The following EDIL3 variants were observed in gnomAD, a reference collection of about 807,000 sequenced individuals.
The protein encoded by EDIL3 is EGF-like repeat and discoidin I-like domain-containing protein 3.
A neutral mutation model predicts 67.4 loss-of-function variants in EDIL3; 37 were observed. The ratio of observed to expected loss-of-function variants is 0.55; its 90% confidence interval spans 0.42 to 0.72. The LOEUF (loss-of-function observed/expected upper bound fraction) is 0.72, where lower values mean the gene tolerates loss of function less well. Among genes scored for constraint, EDIL3 ranks in the 30% least tolerant of loss-of-function variants. The pLI, the probability that EDIL3 is intolerant of heterozygous loss-of-function variation, is 0.00. For missense variants in EDIL3, 527 were observed against 586.3 expected (o/e 0.90, Z 1.04); for synonymous variants, 195 against 196.3 (o/e 0.99, Z 0.05).
chr5:84,060,173 G>A, intron 9 of EDIL3, 127 bp downstream of exon 9: 3 of 1,157,670 alleles, frequency 2.6e-6, no homozygotes, highest in Non-Finnish European at 3.6e-6. Context: ...TACCAATTTA[G>A]TTAAACCGAA....
rs74648642 is a variant in EDIL3, at chr5:83,972,715, G to C, written c.1138-9355C>G. Among the ~76,000 whole-genome samples the C allele has an allele frequency of 9.3e-3, 1,410 of 152,028 alleles. 17 individuals carry two copies. The highest frequency in any genetic ancestry group is 0.032 in the African/African-American group (1,346 of 41,508). ...CAAGATCTCATTAAATTTCAAGTGA[G>C]TTTAAAAGATAAAAACAGCCAAAAT... On this transcript the variant is annotated intron_variant, in intron 9 of 10. Coordinates refer to ENST00000296591, the MANE Select transcript of EDIL3 (RefSeq NM_005711.5).
chr5:84,046,492 C>G (rs2258839), intron 9 of EDIL3, among the ~76,000 whole-genome samples: 28,755 of 152,078 alleles, frequency 0.19, 3,001 homozygotes, highest in Admixed American at 0.24. Context: ...CTGACTGGCT[C>G]TGCAATCTTT....
intron 1 of EDIL3, among the ~76,000 whole-genome samples, chr5:84,266,595 T>C (rs752115016): frequency 1.3e-5 from 2 of 152,172 alleles, no homozygotes; most frequent in Non-Finnish European, 1.5e-5. Context: ...TGTTTTGACA[T>C]GACTGCCTTG....
intron 6 of EDIL3, among the ~76,000 whole-genome samples, chr5:84,076,482 C>T (rs1366739100): frequency 6.6e-6 from 1 of 152,106 alleles, no homozygotes; most frequent in Admixed American, 6.5e-5. Flanking sequence ...ATGGATTTTT[C>T]ACCCATGCAT....
At chr5:84,177,386 A>C (rs1189360427) in intron 4 of EDIL3, among the ~76,000 whole-genome samples, 1 of 152,230 alleles carries the variant, frequency 6.6e-6, no homozygotes, top group Non-Finnish European at 1.5e-5. Flanking sequence ...CTGGAAAAGG[A>C]AAAACTACAG....
At chr5:84,378,315 G>A (rs887774799) in intron 1 of EDIL3, among the ~76,000 whole-genome samples, 6 of 152,018 alleles carry the variant, frequency 3.9e-5, no homozygotes, top group African/African-American at 1.4e-4. Context: ...TCTCTAGGTC[G>A]CAAAACCAGC....
At chr5:83,987,854 GGTGT>G (rs141209055) in intron 9 of EDIL3, among the ~76,000 whole-genome samples, 1 of 113,024 alleles carries the variant, frequency 8.8e-6, no homozygotes, top group South Asian at 4.0e-4. Context: ...CAGCTGATAG[GGTGT>G]GTGTGTGTAT....
chr5:84,317,344 C>A (rs1014505026), intron 1 of EDIL3, among the ~76,000 whole-genome samples: 1 of 151,780 alleles, frequency 6.6e-6, no homozygotes, highest in African/African-American at 2.4e-5. Context: ...AAAAGATCAA[C>A]AAAATAGATA....
At chr5:84,156,563 A>G (rs1241276250) in intron 4 of EDIL3, among the ~76,000 whole-genome samples, 2 of 152,148 alleles carry the variant, frequency 1.3e-5, no homozygotes, top group African/African-American at 2.4e-5. Flanking sequence ...TGTCACTTCA[A>G]TGTGGTTTGA....
chr5:84,159,228 A>C (rs533372752), intron 4 of EDIL3, among the ~76,000 whole-genome samples: 1 of 152,164 alleles, frequency 6.6e-6, no homozygotes, highest in East Asian at 1.9e-4. Flanking sequence ...TAAACAGTAC[A>C]TTTATGAGTT....
At chr5:84,217,713 TACAC>T (rs1336653728) in intron 3 of EDIL3, among the ~76,000 whole-genome samples, 1 of 65,474 alleles carries the variant, frequency 1.5e-5, no homozygotes. Flanking sequence ...CTATCTATTA[TACAC>T]ACAAACACAC....
chr5:83,995,021 T>G (rs886859379), intron 9 of EDIL3, among the ~76,000 whole-genome samples: 3 of 152,170 alleles, frequency 2.0e-5, no homozygotes, highest in Non-Finnish European at 4.4e-5. Context: ...TATTTTCCCT[T>G]CCTTTATAGC....
At chr5:84,214,771 G>A (rs181327152) in intron 3 of EDIL3, among the ~76,000 whole-genome samples, 13 of 151,926 alleles carry the variant, frequency 8.6e-5, no homozygotes, top group African/African-American at 3.1e-4. Flanking sequence ...AGGCTGGAGT[G>A]CAGTGGTGCA....
chr5:84,060,142 T>C (rs931515924), intron 9 of EDIL3, among the ~76,000 whole-genome samples, 158 bp downstream of exon 9: 1 of 152,166 alleles, frequency 6.6e-6, no homozygotes, highest in East Asian at 1.9e-4. Context: ...ACAGACATGG[T>C]TTCATAAGGA....
intron 1 of EDIL3, among the ~76,000 whole-genome samples, chr5:84,303,356 A>G (rs1186086015): frequency 3.3e-5 from 5 of 152,190 alleles, no homozygotes; most frequent in Non-Finnish European, 7.3e-5. Flanking sequence ...CCACACCTGC[A>G]AAGCTGACTG....
intron 2 of EDIL3, among the ~76,000 whole-genome samples, chr5:84,249,542 C>T (rs1164331091): frequency 6.6e-6 from 1 of 152,066 alleles, no homozygotes; most frequent in Non-Finnish European, 1.5e-5. Context: ...ATTGCCCCTC[C>T]ACCATTCAAG....
intron 1 of EDIL3, among the ~76,000 whole-genome samples, chr5:84,281,445 C>A (rs1485630115): frequency 6.6e-6 from 1 of 152,184 alleles, no homozygotes; most frequent in East Asian, 1.9e-4. Flanking sequence ...CATTTTAGAT[C>A]TTGTTTAAAT....
At chr5:84,227,670 A>G (rs929967354) in intron 3 of EDIL3, among the ~76,000 whole-genome samples, 1 of 152,186 alleles carries the variant, frequency 6.6e-6, no homozygotes, top group Non-Finnish European at 1.5e-5. Flanking sequence ...AAAACATGGA[A>G]TCAAATTATG....
intron 9 of EDIL3, among the ~76,000 whole-genome samples, chr5:83,974,704 G>A (rs1192306070): frequency 6.6e-6 from 1 of 151,912 alleles, no homozygotes; most frequent in Non-Finnish European, 1.5e-5. Context: ...TAAAAGTCAT[G>A]ATTATAGACT....
Sources: gnomAD v4.1 joint callset for allele counts (sites outside exome capture counted in the v4.1 genomes callset) on GRCh38, gnomAD v4.1.1 for gene constraint, MANE v1.5 for transcripts, NCBI Gene and HGNC (gene_info 2026-07-23, HGNC 2026-07-21) for gene names.